The following KCNQ3 variants were observed in gnomAD, a reference collection of about 807,000 sequenced individuals.
The protein encoded by KCNQ3 is potassium voltage-gated channel subfamily KQT member 3.
A neutral mutation model predicts 92.5 loss-of-function variants in KCNQ3; 30 were observed. The observed-to-expected ratio is 0.32, with a 90% CI of 0.24 to 0.44. The LOEUF is 0.44. Among genes scored for constraint, KCNQ3 ranks in the 20% least tolerant of loss-of-function variants. The pLI, the probability that KCNQ3 is intolerant of heterozygous loss-of-function variation, is 1.00. For synonymous variants in KCNQ3, 450 were observed against 468.8 expected (o/e 0.96, Z 0.52); for missense variants, 913 against 1,140.3 (o/e 0.80, Z 2.87).
At chr8:132,380,538 T>C (rs1819719409) in intron 1 of KCNQ3, among the ~76,000 whole-genome samples, 1 of 151,818 alleles carries the variant, frequency 6.6e-6, no homozygotes, top group Non-Finnish European at 1.5e-5. Flanking sequence ...CCAGAAAGGG[T>C]GGGGCTGTTT....
chr8:132,132,104 G>GA, intron 14 of KCNQ3, 76 bp downstream of exon 14: 5 of 1,027,524 alleles, frequency 4.9e-6, no homozygotes, highest in African/African-American at 1.6e-5. Flanking sequence ...AAAAAAGAAA[G>GA]AAAGAAAAAA....
chr8:132,176,670 A>C (rs1826566141), intron 4 of KCNQ3, among the ~76,000 whole-genome samples: 1 of 152,122 alleles, frequency 6.6e-6, no homozygotes, highest in African/African-American at 2.4e-5. Flanking sequence ...TGCAGTCTGA[A>C]TAGCCCTCCC....
intron 1 of KCNQ3, among the ~76,000 whole-genome samples, chr8:132,216,162 G>A (rs1814022109): frequency 1.3e-5 from 2 of 152,136 alleles, no homozygotes; most frequent in South Asian, 2.1e-4. Context: ...GCTTTACAGA[G>A]AATAAAGGGC....
At chr8:132,375,565 A>G (rs1819584895) in intron 1 of KCNQ3, among the ~76,000 whole-genome samples, 1 of 152,206 alleles carries the variant, frequency 6.6e-6, no homozygotes, top group Non-Finnish European at 1.5e-5. Context: ...ACTGTCTCAG[A>G]GGTCCTGGGG....
intron 9 of KCNQ3, among the ~76,000 whole-genome samples, chr8:132,155,745 C>T (rs980819971): frequency 2.6e-5 from 4 of 152,168 alleles, no homozygotes; most frequent in Admixed American, 2.6e-4. Flanking sequence ...TGGAAATCAC[C>T]TAGCTCAATC....
intron 1 of KCNQ3, among the ~76,000 whole-genome samples, chr8:132,284,399 T>C (rs546732649): frequency 6.6e-6 from 1 of 152,276 alleles, no homozygotes; most frequent in African/African-American, 2.4e-5. Flanking sequence ...TAAAACCCAC[T>C]ATGTGTCAGT....
chr8:132,154,791 A>G (rs1467856258), intron 9 of KCNQ3, among the ~76,000 whole-genome samples: 1 of 152,010 alleles, frequency 6.6e-6, no homozygotes, highest in Non-Finnish European at 1.5e-5. Flanking sequence ...TTCACCCAAT[A>G]TATTTTGTAA....
Position 132,180,232 on chromosome 8 carries a change from G to T in KCNQ3, c.702C>A (p.Ile234=), listed in dbSNP as rs1383434675. 2.5e-6 allele frequency: 4 copies of T among 1,614,204 alleles called. No individual in the cohort carries two copies. The highest frequency in any genetic ancestry group is 1.3e-5 in the African/African-American group (1 of 75,082). The change falls in exon 4 of 15, where the codon ATC becomes ATA. Residue 234 remains isoleucine, a synonymous_variant. Coordinates refer to ENST00000388996, the MANE Select transcript of KCNQ3 (RefSeq NM_004519.4). The stretch of plus-strand genomic sequence containing the variant: ...TCCGGTCCATCCGCAGCATGCGCAG[G>T]ATCTGCAGGAAGCGCAGGCTTCGCA... ...TSLRSLRFLQ[I]LRMLRMDRRG... is the part of the protein sequence containing the mutation.
chr8:132,289,575 T>C (rs2130550926), intron 1 of KCNQ3, among the ~76,000 whole-genome samples: 1 of 152,296 alleles, frequency 6.6e-6, no homozygotes, highest in African/African-American at 2.4e-5. Context: ...CCTACAAGGA[T>C]ACATAAGATT....
chr8:132,133,746 A>G (rs1386003303), intron 13 of KCNQ3, among the ~76,000 whole-genome samples: 1 of 152,234 alleles, frequency 6.6e-6, no homozygotes, highest in Admixed American at 6.5e-5. Context: ...ATTTGGGAAT[A>G]AAGAGATGTA....
intron 1 of KCNQ3, among the ~76,000 whole-genome samples, chr8:132,423,468 A>C (rs936391629): frequency 6.6e-6 from 1 of 152,098 alleles, no homozygotes; most frequent in African/African-American, 2.4e-5. Flanking sequence ...AAGAGCATAG[A>C]CTCAAGCCAG....
At chr8:132,333,395 T>A (rs932411595) in intron 1 of KCNQ3, among the ~76,000 whole-genome samples, 1 of 152,204 alleles carries the variant, frequency 6.6e-6, no homozygotes, top group African/African-American at 2.4e-5. Context: ...ATTAGTAAGA[T>A]GCTGTCCCAC....
intron 1 of KCNQ3, among the ~76,000 whole-genome samples, chr8:132,412,453 T>C (rs566513226): frequency 1.9e-4 from 29 of 152,300 alleles, no homozygotes; most frequent in African/African-American, 5.5e-4. Context: ...CAAAGGAATA[T>C]TGCGACACCT....
chr8:132,476,271 C>T (rs991598615), intron 1 of KCNQ3, among the ~76,000 whole-genome samples: 4 of 152,242 alleles, frequency 2.6e-5, no homozygotes, highest in South Asian at 4.1e-4. Context: ...TTGGAACCCC[C>T]ACACAGAATC....
At chr8:132,342,933 C>A (rs1424213238) in intron 1 of KCNQ3, among the ~76,000 whole-genome samples, 1 of 152,154 alleles carries the variant, frequency 6.6e-6, no homozygotes, top group Admixed American at 6.5e-5. Flanking sequence ...CATTTTCTTA[C>A]ACATGTGGTT....
At chr8:132,431,954 C>T (rs1178602540) in intron 1 of KCNQ3, among the ~76,000 whole-genome samples, 1 of 152,170 alleles carries the variant, frequency 6.6e-6, no homozygotes, top group East Asian at 1.9e-4. Context: ...CAGCCTTGTG[C>T]AAGTGTCCTC....
intron 1 of KCNQ3, among the ~76,000 whole-genome samples, chr8:132,450,602 T>C (rs60220520): frequency 0.019 from 2,932 of 152,262 alleles, 104 homozygotes; most frequent in African/African-American, 0.067. Context: ...CATAGCAGGA[T>C]GTGAGGAATG....
chr8:132,142,221 T>C (rs1476989282), intron 9 of KCNQ3, among the ~76,000 whole-genome samples: 1 of 152,214 alleles, frequency 6.6e-6, no homozygotes, highest in Non-Finnish European at 1.5e-5. Context: ...ATGATACTTC[T>C]AGAAGAGTTC....
chr8:132,184,458 C>A, intron 2 of KCNQ3, 91 bp from the exon 3 acceptor site: 206 of 1,166,002 alleles, frequency 1.8e-4, no homozygotes, highest in Middle Eastern at 6.7e-4. Flanking sequence ...TGAAGAACTC[C>A]ATTTTGTGCT....
Sources: allele counts gnomAD v4.1 joint callset (sites outside exome capture counted in the v4.1 genomes callset), GRCh38; gene constraint gnomAD v4.1.1; transcripts MANE v1.5; gene names NCBI Gene and HGNC (gene_info 2026-07-23, HGNC 2026-07-21).